Variants in FAM162A observed in about 807,000 individuals in gnomAD.
The protein encoded by FAM162A is protein FAM162A.
In FAM162A, 23 loss-of-function variants were observed where a neutral mutation model predicts 21.8. The observed-to-expected ratio is 1.05, with a 90% CI of 0.76 to 1.49. The LOEUF (loss-of-function observed/expected upper bound fraction) is 1.49, where lower values mean the gene tolerates loss of function less well. FAM162A is among the 40% of genes most tolerant of loss of function. The pLI is 0.00. For missense variants in FAM162A, 165 were observed against 186.4 expected (o/e 0.89, Z 0.67); for synonymous variants, 53 against 61.3 (o/e 0.86, Z 0.64).
intron 4 of FAM162A, 96 bp downstream of exon 4, chr3:122,407,485 A>G (rs1177764773): frequency 1.1e-6 from 1 of 907,418 alleles, no homozygotes; most frequent in Non-Finnish European, 1.7e-6. Flanking sequence ...CTCTGAGAAG[A>G]GGAGGCTACT....
chr3:122,404,753 T>C lies in FAM162A; in HGVS notation c.263+390T>C, dbSNP rs191990936. On this transcript the variant is annotated intron_variant, in intron 3 of 4. Transcript: ENST00000477892. Reference sequence around the variant, plus strand: ...CAACCTTAGGTGTAAAAGTATTTAATTGCAATATTCTGGAATTCAGGAAAG... The same window carrying C: ...CAACCTTAGGTGTAAAAGTATTTAACTGCAATATTCTGGAATTCAGGAAAG... Among the ~76,000 whole-genome samples the C allele has an allele frequency of 2.6e-5, 4 of 152,348 alleles. No individual in the cohort carries two copies. In the East Asian group the frequency reaches 7.7e-4, roughly 29 times the overall value.
chr3:122,404,058 T>C (rs1473391781), intron 2 of FAM162A, among the ~76,000 whole-genome samples, 200 bp from the exon 3 acceptor site: 1 of 152,186 alleles, frequency 6.6e-6, no homozygotes, highest in African/African-American at 2.4e-5. Context: ...CTCCTCACCG[T>C]TTCCTTGGGA....
chr3:122,392,068 A>G (rs1402106178), intron 1 of FAM162A, among the ~76,000 whole-genome samples: 6 of 152,212 alleles, frequency 3.9e-5, no homozygotes, highest in African/African-American at 1.4e-4. Context: ...TTACTCCAAC[A>G]TACATCGATG....
intron 1 of FAM162A, among the ~76,000 whole-genome samples, chr3:122,388,955 A>C (rs1038477029): frequency 7.9e-5 from 12 of 152,088 alleles, no homozygotes; most frequent in Non-Finnish European, 1.2e-4. Flanking sequence ...AGGCTGAGGC[A>C]GGAGAATGGC....
chr3:122,399,736 C>T (rs549454446), intron 1 of FAM162A, among the ~76,000 whole-genome samples: 8 of 152,166 alleles, frequency 5.3e-5, no homozygotes, highest in Non-Finnish European at 1.0e-4. Context: ...CTAATTTATA[C>T]TCCCATCAAC....
chr3:122,406,706 A>T (rs574994307), intron 3 of FAM162A, among the ~76,000 whole-genome samples: 61 of 152,350 alleles, frequency 4.0e-4, no homozygotes, highest in African/African-American at 1.4e-3. Flanking sequence ...AGATATTCTC[A>T]AATCTATTCT....
chr3:122,389,299 A>G (rs773634684), intron 1 of FAM162A, among the ~76,000 whole-genome samples: 3 of 152,126 alleles, frequency 2.0e-5, no homozygotes, highest in Non-Finnish European at 4.4e-5. Context: ...GTGTTATTGT[A>G]GAGTAATAAG....
intron 1 of FAM162A, among the ~76,000 whole-genome samples, chr3:122,385,386 TTTC>T (rs1559997785): frequency 6.6e-6 from 1 of 152,212 alleles, no homozygotes. Context: ...AATACTATGA[TTTC>T]ATTGATTTTG....
chr3:122,402,506 T>C (rs2075657468), intron 1 of FAM162A, among the ~76,000 whole-genome samples: 1 of 152,186 alleles, frequency 6.6e-6, no homozygotes, highest in Admixed American at 6.5e-5. Flanking sequence ...TGGGAAGTAC[T>C]TATTTAAAAT....
chr3:122,407,184 C>A (rs746346007), intron 3 of FAM162A, 97 bp from the exon 4 acceptor site: 3 of 902,378 alleles, frequency 3.3e-6, no homozygotes, highest in African/African-American at 3.4e-5. Context: ...TTTATAGACA[C>A]TACTACATTT....
chr3:122,397,186 A>G (rs754669323), intron 1 of FAM162A, among the ~76,000 whole-genome samples: 1 of 152,200 alleles, frequency 6.6e-6, no homozygotes, highest in Non-Finnish European at 1.5e-5. Flanking sequence ...TGTCTTTTAA[A>G]TTGTTATGTT....
chr3:122,387,340 A>G (rs1287582525), intron 1 of FAM162A, among the ~76,000 whole-genome samples: 1 of 152,192 alleles, frequency 6.6e-6, no homozygotes, highest in Non-Finnish European at 1.5e-5. Flanking sequence ...TGAATTTGTT[A>G]CCGTCATTGT....
chr3:122,389,463 G>T (rs1014882680), intron 1 of FAM162A, among the ~76,000 whole-genome samples: 2 of 150,000 alleles, frequency 1.3e-5, no homozygotes, highest in African/African-American at 4.9e-5. Flanking sequence ...AACTTAAAGG[G>T]GTTCATACCC....
At chr3:122,399,598 A>G (rs1175714624) in intron 1 of FAM162A, among the ~76,000 whole-genome samples, 1 of 152,128 alleles carries the variant, frequency 6.6e-6, no homozygotes, top group Non-Finnish European at 1.5e-5. Flanking sequence ...ATACACATTC[A>G]TGTGTCTTCA....
At chr3:122,402,928 A>G (rs1272116323) in intron 2 of FAM162A, 46 bp downstream of exon 2, 1 of 1,554,312 alleles carries the variant, frequency 6.4e-7, no homozygotes, top group African/African-American at 1.4e-5. Flanking sequence ...GCTCCCAAAG[A>G]GTAGGAAAAC....
At chr3:122,400,884 A>G (rs568543341) in intron 1 of FAM162A, among the ~76,000 whole-genome samples, 21 of 152,248 alleles carry the variant, frequency 1.4e-4, no homozygotes, top group African/African-American at 5.1e-4. Context: ...TTCATTGGGG[A>G]GAAAGTCAAT....
intron 1 of FAM162A, among the ~76,000 whole-genome samples, chr3:122,384,702 C>G (rs2075566041): frequency 6.6e-6 from 1 of 152,206 alleles, no homozygotes; most frequent in African/African-American, 2.4e-5. Flanking sequence ...CCTCTTCCCC[C>G]TGCTCCTTCC....
chr3:122,401,780 C>T (rs367814157), intron 1 of FAM162A, among the ~76,000 whole-genome samples: 229 of 152,244 alleles, frequency 1.5e-3, no homozygotes, highest in African/African-American at 5.2e-3. Context: ...TGAAAAGTGT[C>T]TGCTCACGTC....
Position 122,404,364 on chromosome 3 carries a change from G to T in FAM162A, c.263+1G>T. Reference sequence around the variant, plus strand: ...AAGATGAAATCCCAGAGACTGTCTCGTGAGTGCTGAATTTAGTATTACAAG... The same window carrying T: ...AAGATGAAATCCCAGAGACTGTCTCTTGAGTGCTGAATTTAGTATTACAAG... On this transcript the variant is annotated splice_donor_variant, in intron 3 of 4. Transcript: ENST00000477892. LOFTEE classifies it high-confidence loss of function. 1 of 1,531,296 alleles carries T rather than the reference G, an allele frequency of 6.5e-7. No homozygotes were observed. 94.9% of individuals were successfully genotyped at this position (1,531,296 alleles called of 1,614,324 possible).
Sources: allele counts gnomAD v4.1 joint callset (sites outside exome capture counted in the v4.1 genomes callset), GRCh38; gene constraint gnomAD v4.1.1; transcripts MANE v1.5; gene names NCBI Gene and HGNC (gene_info 2026-07-23, HGNC 2026-07-21).